Variants in UHRF2 observed in about 807,000 individuals in gnomAD.
UHRF2 encodes ubiquitin like with PHD and ring finger domains 2, also known as E3 ubiquitin-protein ligase UHRF2.
Under a neutral mutation model 96.8 loss-of-function variants are expected in UHRF2, and 23 were observed. That is an observed-to-expected ratio of 0.24 (90% CI 0.17 to 0.34). The LOEUF (loss-of-function observed/expected upper bound fraction) is 0.34. Ranked by LOEUF, UHRF2 falls within the 10% of genes least tolerant of loss-of-function variation. The probability of loss-of-function intolerance (pLI) is 1.00; values close to 1 mark genes in which losing one functional copy is unlikely to be tolerated. For missense variants in UHRF2, 685 were observed against 981.5 expected (o/e 0.70, Z 4.04); for synonymous variants, 385 against 332.6 (o/e 1.16, Z -1.72).
chr9:6,501,439 C>G (rs991515287), intron 14 of UHRF2, among the ~76,000 whole-genome samples: 8 of 152,156 alleles, frequency 5.3e-5, no homozygotes, highest in African/African-American at 1.9e-4. Context: ...GATGTGCCCC[C>G]ATGTCTGTAT....
chr9:6,489,000 G>T (rs1824491983), intron 9 of UHRF2, among the ~76,000 whole-genome samples: 1 of 151,640 alleles, frequency 6.6e-6, no homozygotes, highest in Admixed American at 6.6e-5. Context: ...AGTATAGGTG[G>T]GGTTTCACCA....
intron 8 of UHRF2, among the ~76,000 whole-genome samples, chr9:6,484,217 C>T (rs1368126153): frequency 1.3e-5 from 2 of 151,940 alleles, no homozygotes; most frequent in Admixed American, 6.6e-5. Context: ...AGATGTATAC[C>T]ACCATGCCTG....
chr9:6,436,585 G>A (rs1388072276), intron 3 of UHRF2, among the ~76,000 whole-genome samples: 3 of 152,300 alleles, frequency 2.0e-5, no homozygotes, highest in South Asian at 4.1e-4. Flanking sequence ...ATATTATGCA[G>A]AATGGCACAA....
At chr9:6,491,022 G>C (rs1041311125) in intron 9 of UHRF2, among the ~76,000 whole-genome samples, 1 of 152,140 alleles carries the variant, frequency 6.6e-6, no homozygotes, top group Admixed American at 6.5e-5. Flanking sequence ...TTCTGTCTGG[G>C]TGAATGGATG....
Position 6,475,418 on chromosome 9 carries a change from C to A in UHRF2, c.891C>A (p.Cys297Ter). The A allele has an allele frequency of 6.3e-7, 1 of 1,576,432 alleles. No individual in the cohort carries two copies. The highest frequency in any genetic ancestry group is 8.6e-7 in the Non-Finnish European group (1 of 1,160,656). The change falls in exon 5 of 16, where the codon TGC becomes TGA. Residue 297 changes from cysteine to a stop codon, truncating the protein, a stop_gained. Coordinates refer to ENST00000276893, the MANE Select transcript of UHRF2 (RefSeq NM_152896.3). LOFTEE classifies it high-confidence loss of function. ...LGGSEGTLND[C>*]KIISVDEIFK... ...GTTCTGAAGGAACATTAAATGACTG[C>A]AAGATAATATCTGTAGATGAAATCT...
chr9:6,488,216 A>G (rs1305684506), intron 9 of UHRF2, among the ~76,000 whole-genome samples: 1 of 128,790 alleles, frequency 7.8e-6, no homozygotes, highest in African/African-American at 2.9e-5. Context: ...GCAGCACTCC[A>G]GCCTGGGTGA....
chr9:6,497,566 G>A (rs1825042067), intron 11 of UHRF2, among the ~76,000 whole-genome samples: 1 of 151,328 alleles, frequency 6.6e-6, no homozygotes, highest in Admixed American at 6.6e-5. Flanking sequence ...TAGGGGCAGA[G>A]TTGGGTTAAG....
chr9:6,487,011 T>A, intron 9 of UHRF2, 86 bp downstream of exon 9: 2 of 1,246,112 alleles, frequency 1.6e-6, no homozygotes, highest in Non-Finnish European at 2.3e-6. Flanking sequence ...CATCAAATAC[T>A]GTTGTGTCTT....
chr9:6,437,022 T>C (rs1820890872), intron 3 of UHRF2, among the ~76,000 whole-genome samples: 1 of 152,114 alleles, frequency 6.6e-6, no homozygotes, highest in South Asian at 2.1e-4. Flanking sequence ...ATAAATAAGC[T>C]CCTGGATAAA....
intron 3 of UHRF2, among the ~76,000 whole-genome samples, chr9:6,441,268 G>A (rs994919069): frequency 3.9e-5 from 6 of 152,078 alleles, no homozygotes; most frequent in Non-Finnish European, 8.8e-5. Context: ...CAGCTACTCG[G>A]GAGGCTGAAG....
intron 1 of UHRF2, among the ~76,000 whole-genome samples, chr9:6,419,958 A>G (rs1373265038): frequency 1.3e-5 from 2 of 151,824 alleles, no homozygotes; most frequent in East Asian, 1.9e-4. Context: ...GGGGTTACCC[A>G]TACTGGTCTG....
At chr9:6,461,389 T>TC (rs548216905) in intron 4 of UHRF2, among the ~76,000 whole-genome samples, 1,933 of 95,808 alleles carry the variant, frequency 0.02, 64 homozygotes, top group African/African-American at 0.074. Context: ...CCTTCTCTCC[T>TC]CCCCCCCGCC....
Position 6,480,548 on chromosome 9 carries a change from A to T in UHRF2, c.1161-1095A>T, listed in dbSNP as rs149053464. On this transcript the variant is annotated intron_variant, in intron 6 of 15. Coordinates refer to ENST00000276893, the MANE Select transcript of UHRF2 (RefSeq NM_152896.3). ...CTTTCGCTTCACCTGAAACTCCTTA[A>T]CCTTAAATCTTTTCTGCTTCTCCAA... Among the ~76,000 whole-genome samples the T allele has an allele frequency of 7.0e-3, 1,061 of 152,266 alleles. 6 individuals carry two copies. The highest frequency in any genetic ancestry group is 0.01 in the Non-Finnish European group (703 of 68,000).
chr9:6,418,123 T>G (rs1485431370), intron 1 of UHRF2, among the ~76,000 whole-genome samples: 1 of 152,160 alleles, frequency 6.6e-6, no homozygotes, highest in Non-Finnish European at 1.5e-5. Context: ...CCTCCAGAAT[T>G]AGTAAGGTAT....
At chr9:6,444,372 C>T (rs933686728) in intron 3 of UHRF2, among the ~76,000 whole-genome samples, 4 of 152,196 alleles carry the variant, frequency 2.6e-5, no homozygotes, top group East Asian at 3.8e-4. Flanking sequence ...TTCATTTTCT[C>T]GTTGCTCATG....
At chr9:6,498,430 G>A (rs1302825538) in intron 12 of UHRF2, 2 of 269,114 alleles carry the variant, frequency 7.4e-6, no homozygotes, top group African/African-American at 2.2e-5. Context: ...ATGACTTGAA[G>A]TGTGAGGGAA....
rs1171172143 is a variant in UHRF2 at position 6,428,533 on chromosome 9, C to CTTTTTTTTTTTTTTTTTTTTT, written c.385-5363_385-5343dup. On this transcript the variant is annotated intron_variant, in intron 2 of 15. Coordinates refer to ENST00000276893, the MANE Select transcript of UHRF2 (RefSeq NM_152896.3). ...TGTAAATGGAACCATATTGCTTTTG[C>CTTTTTTTTTTTTTTTTTTTTT]TTTTTTTTTTTTTTTTTTTTTTTTT... Among the ~76,000 whole-genome samples the CTTTTTTTTTTTTTTTTTTTTT allele has an allele frequency of 2.1e-4, 14 of 65,420 alleles. 3 individuals carry two copies. The highest frequency in any genetic ancestry group is 2.9e-4 in the Non-Finnish European group (11 of 37,888). 42.9% of individuals were successfully genotyped at this position (65,420 alleles called of 152,430 possible).
intron 3 of UHRF2, among the ~76,000 whole-genome samples, chr9:6,448,101 A>G (rs1006692081): frequency 2.6e-5 from 4 of 152,334 alleles, no homozygotes; most frequent in Non-Finnish European, 4.4e-5. Context: ...TACAAAGCCT[A>G]CAATCTGGAC....
chr9:6,418,705 GTT>G (rs1394313560), intron 1 of UHRF2, among the ~76,000 whole-genome samples: 2 of 152,164 alleles, frequency 1.3e-5, no homozygotes, highest in Admixed American at 1.3e-4. Context: ...CCTGAAAGGA[GTT>G]TAGTTTTCTT....
Sources: allele counts gnomAD v4.1 joint callset (sites outside exome capture counted in the v4.1 genomes callset), GRCh38; gene constraint gnomAD v4.1.1; transcripts MANE v1.5; gene names NCBI Gene and HGNC (gene_info 2026-07-23, HGNC 2026-07-21).